Variants in CRAT observed in about 807,000 individuals in gnomAD.
CRAT encodes the protein carnitine acetylase.
In CRAT, 66 loss-of-function variants were observed where a neutral mutation model predicts 73.7. The ratio of observed to expected loss-of-function variants is 0.90; its 90% CI spans 0.73 to 1.10. The LOEUF is 1.10. Ranked by LOEUF, CRAT falls within the 50% of genes least tolerant of loss-of-function variation. The probability of loss-of-function intolerance (pLI) is 0.00; values close to 1 mark genes in which losing one functional copy is unlikely to be tolerated. For synonymous variants in CRAT, 321 were observed against 343.2 expected, an observed-to-expected ratio of 0.94 and a Z score of 0.71; for missense variants, 745 against 846.9, an observed-to-expected ratio of 0.88 and a Z score of 1.49.
At position 129,107,458 on chromosome 9, in the gene CRAT, C is replaced by A. The variant is rs1359554637; in HGVS notation, c.291+356G>T. ...AGATCAGATACAGAACCTGGGCGAT[C>A]GGTCACTGAGTGACACATATCCCCT... On this transcript the variant is annotated intron_variant, in intron 2 of 13. Transcript: ENST00000318080. The surrounding 1 kb of genome is among the most constrained non-coding windows in gnomAD (Gnocchi z 5.0). The A allele has an allele frequency of 5.0e-6, 3 of 598,266 alleles. No homozygotes were observed. Among genetic ancestry groups the A allele is most frequent in the East Asian group, 5.5e-5 (2 of 36,170 alleles). The allele number at this position is 598,266 out of a possible 1,614,324, so 37.1% of individuals were successfully genotyped here. A position where few individuals can be genotyped will look rare whatever the true frequency, so the allele number is the denominator to read the frequency against.
intron 4 of CRAT, 128 bp from the exon 5 acceptor site, chr9:129,102,693 A>G: frequency 1.8e-6 from 2 of 1,092,624 alleles, no homozygotes; most frequent in Non-Finnish European, 2.7e-6. Context: ...CCAGATGAGC[A>G]GGACACCTCA....
intron 2 of CRAT, among the ~76,000 whole-genome samples, chr9:129,104,847 G>A (rs1262632121): frequency 2.9e-5 from 4 of 140,122 alleles, no homozygotes; most frequent in African/African-American, 8.0e-5. Context: ...CTCATGATCC[G>A]CCCGCCTTGG....
chr9:129,098,409 G>A (rs764664238), intron 9 of CRAT, 38 bp from the exon 10 acceptor site: 99 of 1,608,872 alleles, frequency 6.2e-5, no homozygotes, highest in Middle Eastern at 1.7e-4. Context: ...AGCAGGCCCC[G>A]GCAGCCCCTG....
chr9:129,100,417 TG>T, intron 7 of CRAT, 93 bp downstream of exon 7: 13 of 1,305,338 alleles, frequency 1.0e-5, no homozygotes, highest in Non-Finnish European at 1.3e-5. Flanking sequence ...GCTAGGAGGC[TG>T]GGGACGCAGG....
At chr9:129,108,961 C>T in intron 1 of CRAT, 2 of 1,244,628 alleles carry the variant, frequency 1.6e-6, no homozygotes, top group South Asian at 2.8e-5. Flanking sequence ...GTGGCGATGG[C>T]TGTGGTGGAA....
At chr9:129,100,017 C>T in intron 7 of CRAT, 51 bp from the exon 8 acceptor site, 2 of 1,505,450 alleles carry the variant, frequency 1.3e-6, no homozygotes, top group Non-Finnish European at 1.8e-6. Context: ...TGGGGGGTGG[C>T]CCCTCACCCA....
At chr9:129,108,653 C>T (rs369677858) in intron 1 of CRAT, 9 of 1,222,108 alleles carry the variant, frequency 7.4e-6, no homozygotes, top group Admixed American at 2.4e-5. Context: ...GGGTGAGAGG[C>T]GGCAGAGAGA....
rs779692860 is a variant in CRAT, at chr9:129,100,652, C to T, written c.843G>A (p.Lys281=). 14 of 1,613,886 alleles carry T rather than the reference C, an allele frequency of 8.7e-6. No homozygotes were observed. Among genetic ancestry groups the T allele is most frequent in the South Asian group, 2.2e-5 (2 of 91,086 alleles). The change falls in exon 7 of 14, where the codon AAG becomes AAA. Residue 281 remains lysine, a synonymous_variant. Coordinates refer to ENST00000318080, the MANE Select transcript of CRAT (RefSeq NM_000755.5). ...VNRDSVRSIQ[K]SIFTVCLDAT... ...CATCTAGGCACACGGTGAAGATGCT[C>T]TTCTGGATGGAGCGCACGGAATCCC...
At chr9:129,098,807 T>C (rs894909866) in intron 8 of CRAT, among the ~76,000 whole-genome samples, 157 bp from the exon 9 acceptor site, 2 of 79,248 alleles carry the variant, frequency 2.5e-5, no homozygotes, top group African/African-American at 1.0e-4. Context: ...CAGCTTTTTT[T>C]TCTTTTTTCT....
chr9:129,110,627 C>A lies in CRAT; in HGVS notation c.-118G>T. 8.2e-7 allele frequency: 1 copy of A among 1,214,490 alleles called. No individual in the cohort carries two copies. The highest frequency in any genetic ancestry group is 1.7e-5 in the South Asian group (1 of 57,164). The allele number at this position is 1,214,490 out of a possible 1,614,324, so 75.2% of individuals were successfully genotyped here. A position where few individuals can be genotyped will look rare whatever the true frequency, so the allele number is the denominator to read the frequency against. ...CTTGCTAGAGCCTTCGGGCCAAGGT[C>A]GCTGAGTTACAGCCGCCAGCCGGTA... On this transcript the variant is annotated 5_prime_UTR_variant, in exon 1 of 14. Coordinates refer to ENST00000318080, the MANE Select transcript of CRAT (RefSeq NM_000755.5). This position sits in a 1 kb window ranked among gnomAD's most constrained non-coding sequence, Gnocchi z 5.3.
rs533552035 is a variant in CRAT, at chr9:129,097,887, T to C, written c.1464+126A>G. Reference sequence around the variant, plus strand: ...GAGCTAGATTCACGGCTCCAGCTTCTGTTAGATTCCCCGTGCCCACCATGG... The same window carrying C: ...GAGCTAGATTCACGGCTCCAGCTTCCGTTAGATTCCCCGTGCCCACCATGG... On this transcript the variant is annotated intron_variant, in intron 11 of 13. Coordinates refer to ENST00000318080, the MANE Select transcript of CRAT (RefSeq NM_000755.5). 1.0e-3 allele frequency: 1,436 copies of C among 1,370,082 alleles called. 2 individuals carry two copies. Among genetic ancestry groups the C allele is most frequent in the Non-Finnish European group, 1.3e-3 (1,312 of 1,011,646 alleles). 84.9% of individuals were successfully genotyped at this position (1,370,082 alleles called of 1,614,324 possible).
chr9:129,102,491 C>T lies in CRAT; in HGVS notation c.539G>A (p.Cys180Tyr). The T allele has an allele frequency of 6.2e-7, 1 of 1,614,140 alleles. No homozygotes were observed. Among genetic ancestry groups the T allele is most frequent in the Non-Finnish European group, 8.5e-7 (1 of 1,179,994 alleles). Residue 180 changes from cysteine to tyrosine, a missense_variant, in exon 5 of 14, where the codon TGC (cysteine) becomes TAC (tyrosine). Physicochemically the swap from Cys to Tyr is radical, Grantham distance 194 (BLOSUM62 -2). Coordinates refer to ENST00000318080, the MANE Select transcript of CRAT (RefSeq NM_000755.5). Reference protein sequence around the residue: ...MNQYYQILSSCRVPGPKQDTV... With the variant: ...MNQYYQILSSYRVPGPKQDTV... ...GTCCTGCTTGGGGCCCGGCACTCGGCAGGAGGACAAGATCTGATAGTACTG... is the reference window on the plus strand; with the variant it reads ...GTCCTGCTTGGGGCCCGGCACTCGGTAGGAGGACAAGATCTGATAGTACTG...
At chr9:129,105,459 T>C (rs1847959143) in intron 2 of CRAT, among the ~76,000 whole-genome samples, 1 of 152,152 alleles carries the variant, frequency 6.6e-6, no homozygotes, top group Non-Finnish European at 1.5e-5. Flanking sequence ...TAGCTGGGAC[T>C]ATAGGTGCGC....
In CRAT at chr9:129,101,950, C is replaced by T. The variant is rs141150285; in HGVS notation, c.738G>A (p.Glu246=). Residue 246 remains glutamate, a synonymous_variant, in exon 6 of 14, where the codon GAG becomes GAA. Coordinates refer to ENST00000318080, the MANE Select transcript of CRAT (RefSeq NM_000755.5). ...GGTTGGAGGTGAGGATGCCCACAGG[C>T]TCCTTGTTGGTCTGTAGGGATGAGT... ...IWNSSLQTNK[E]PVGILTSNHR... 16 of 1,614,068 alleles carry T rather than the reference C, an allele frequency of 9.9e-6. No homozygotes were observed. The African/African-American group carries it at 2.0e-4, about 20-fold the overall frequency.
Position 129,101,933 on chromosome 9 carries a change from G to T in CRAT, c.755C>A (p.Thr252Asn). Reference sequence around the variant, plus strand: ...GGCCCAGGAGTTGCGGTGGTTGGAGGTGAGGATGCCCACAGGCTCCTTGTT... The same window carrying T: ...GGCCCAGGAGTTGCGGTGGTTGGAGTTGAGGATGCCCACAGGCTCCTTGTT... ...QTNKEPVGIL[T>N]SNHRNSWAKA... The change falls in exon 6 of 14, where the codon ACC becomes AAC. Residue 252 changes from threonine to asparagine, a missense_variant. Thr to Asn is a moderately conservative substitution (Grantham distance 65, BLOSUM62 0). Transcript: ENST00000318080. 1 of 1,614,192 alleles carries T rather than the reference G, an allele frequency of 6.2e-7. No individual in the cohort carries two copies. Among genetic ancestry groups the T allele is most frequent in the Non-Finnish European group, 8.5e-7 (1 of 1,180,024 alleles).
chr9:129,094,969 C>G lies in CRAT; in HGVS notation c.*428G>C, dbSNP rs1340274276. 3 of 209,746 alleles carry G rather than the reference C, an allele frequency of 1.4e-5. No homozygotes were observed. The highest frequency in any genetic ancestry group is 2.9e-5 in the Non-Finnish European group (3 of 103,422). The allele number at this position is 209,746 out of a possible 1,614,324, so 13.0% of individuals were successfully genotyped here. ...CCCTGGCCCCTCGGCCCCAGACAATCCTGTCTCCAGGTCCTGGGAGTTTGG... is the reference window on the plus strand; with the variant it reads ...CCCTGGCCCCTCGGCCCCAGACAATGCTGTCTCCAGGTCCTGGGAGTTTGG... On this transcript the variant is annotated 3_prime_UTR_variant, in exon 14 of 14. Coordinates refer to ENST00000318080, the MANE Select transcript of CRAT (RefSeq NM_000755.5).
In CRAT at chr9:129,103,052, A is replaced by G; in HGVS notation, c.425T>C (p.Leu142Pro). Residue 142 changes from leucine to proline, a missense_variant, in exon 4 of 14, where the codon CTC becomes CCC. Transcript: ENST00000318080. This position sits in a 1 kb window ranked among gnomAD's most constrained non-coding sequence, Gnocchi z 4.6. The part of the protein sequence containing the change: ...LQGQLRFAAK[L>P]IEGVLDFKVM... Reference sequence around the variant, plus strand: ...CTTGAAATCCAACACACCCTCAATGAGTTTGGCAGCAAATCTGGAAAGATT... The same window carrying G: ...CTTGAAATCCAACACACCCTCAATGGGTTTGGCAGCAAATCTGGAAAGATT... 1.2e-6 allele frequency: 2 copies of G among 1,614,044 alleles called. No individual in the cohort carries two copies. The highest frequency in any genetic ancestry group is 1.7e-6 in the Non-Finnish European group (2 of 1,179,958).
chr9:129,100,498 T>C lies in CRAT; in HGVS notation c.984+13A>G. ...AGGTGTGTGTGAGTGGGCGAAGCCC[T>C]GCCGGGCCTCACCTGCAGCGTCTTG... is the stretch of plus-strand genomic sequence containing the variant. On this transcript the variant is annotated intron_variant, in intron 7 of 13. Coordinates refer to ENST00000318080, the MANE Select transcript of CRAT (RefSeq NM_000755.5). 1 of 1,608,846 alleles carries C rather than the reference T, an allele frequency of 6.2e-7. No individual in the cohort carries two copies. Among genetic ancestry groups the C allele is most frequent in the Non-Finnish European group, 8.5e-7 (1 of 1,177,604 alleles).
chr9:129,095,276 G>C lies in CRAT; in HGVS notation c.*121C>G, dbSNP rs1044555. 9.0e-7 allele frequency: 1 copy of C among 1,115,266 alleles called. No individual in the cohort carries two copies. Among genetic ancestry groups the C allele is most frequent in the South Asian group, 1.4e-5 (1 of 69,076 alleles). The allele number at this position is 1,115,266 out of a possible 1,614,324, so 69.1% of individuals were successfully genotyped here. A position where few individuals can be genotyped will look rare whatever the true frequency, so the allele number is the denominator to read the frequency against. On this transcript the variant is annotated 3_prime_UTR_variant, in exon 14 of 14. Transcript: ENST00000318080. The stretch of plus-strand genomic sequence containing the variant: ...GGAGGATGCGGTCCGTGGCTCAGTA[G>C]ATTTGGGGGGACCAGGGAAGAGGGA...
Sources: allele counts gnomAD v4.1 joint callset (sites outside exome capture counted in the v4.1 genomes callset), GRCh38; gene constraint gnomAD v4.1.1; non-coding constraint Gnocchi (gnomAD v3.1); transcripts MANE v1.5; gene names NCBI Gene and HGNC (gene_info 2026-07-23, HGNC 2026-07-21).